The following NRXN2 variants were observed in gnomAD, a reference collection of about 807,000 sequenced individuals.
NRXN2 encodes the protein neurexin-2-beta.
NRXN2 carries 29 observed loss-of-function variants against 128.8 expected under a neutral mutation model. The observed-to-expected ratio is 0.23, with a 90% CI of 0.17 to 0.31. The LOEUF (loss-of-function observed/expected upper bound fraction) is 0.31, where lower values mean the gene tolerates loss of function less well. Ranked by LOEUF, NRXN2 falls within the 10% of genes least tolerant of loss-of-function variation. The pLI is 1.00. For synonymous variants in NRXN2, 1,098 were observed against 1,075.2 expected (o/e 1.02, Z -0.41); for missense variants, 1,881 against 2,452.6 (o/e 0.77, Z 4.92).
chr11:64,668,521 G>A lies in NRXN2; in HGVS notation c.1281C>T (p.Phe427=), dbSNP rs771034517. The A allele has an allele frequency of 1.2e-5, 19 of 1,614,008 alleles. No individual in the cohort carries two copies. Among genetic ancestry groups the A allele is most frequent in the Non-Finnish European group, 1.5e-5 (18 of 1,180,024 alleles). Residue 427 remains phenylalanine (F), a synonymous_variant, in exon 8 of 23, where the codon TTC becomes TTT. Coordinates refer to ENST00000265459, the MANE Select transcript of NRXN2 (RefSeq NM_015080.4). ...CTGTGTTGGGGCTGCCCCCAATGTA[G>A]AAGAAGTCATCAGAGCCCAGCATGG... ...DYTMLGSDDF[F]YIGGSPNTAD...
intron 8 of NRXN2, 93 bp downstream of exon 8, chr11:64,668,350 C>G: frequency 6.6e-7 from 1 of 1,524,038 alleles, no homozygotes. Flanking sequence ...GAACAGATGA[C>G]CCAGACAACT....
intron 2 of NRXN2, among the ~76,000 whole-genome samples, chr11:64,698,295 G>T (rs1267022146): frequency 6.6e-6 from 1 of 152,166 alleles, no homozygotes; most frequent in Non-Finnish European, 1.5e-5. Flanking sequence ...TAGCAATCCA[G>T]TGACACACAC....
At chr11:64,653,106 A>C (rs1423059633) in intron 12 of NRXN2, among the ~76,000 whole-genome samples, 1 of 152,024 alleles carries the variant, frequency 6.6e-6, no homozygotes, top group East Asian at 1.9e-4. Flanking sequence ...GCGCACTGGG[A>C]TGTCTGGAGA....
rs746771704 is a variant in NRXN2, at chr11:64,632,374, A to C, written c.3586-1801T>G. On this transcript the variant is annotated intron_variant, in intron 18 of 22. Coordinates refer to ENST00000265459, the MANE Select transcript of NRXN2 (RefSeq NM_015080.4). This position sits in a 1 kb window ranked among gnomAD's most constrained non-coding sequence, Gnocchi z 4.2. Reference sequence around the variant, plus strand: ...CTGAGGCTGGGCTTGCCTAACAAAGAGTATTAGCAAGCCCCACCCATTCAC... The same window carrying C: ...CTGAGGCTGGGCTTGCCTAACAAAGCGTATTAGCAAGCCCCACCCATTCAC... Among the ~76,000 whole-genome samples the C allele has an allele frequency of 6.6e-6, 1 of 152,190 alleles. No homozygotes were observed. The highest frequency in any genetic ancestry group is 1.5e-5 in the Non-Finnish European group (1 of 68,020).
chr11:64,674,066 G>A (rs888915149), intron 7 of NRXN2, among the ~76,000 whole-genome samples: 4 of 151,916 alleles, frequency 2.6e-5, no homozygotes, highest in Admixed American at 6.6e-5. Context: ...GCAGGCGGTG[G>A]GGAGGTCTTG....
chr11:64,693,800 G>A (rs1565429711), intron 3 of NRXN2, among the ~76,000 whole-genome samples: 1 of 152,162 alleles, frequency 6.6e-6, no homozygotes, highest in East Asian at 1.9e-4. Context: ...AAAGAGGACA[G>A]CCGAGCCCTA....
intron 17 of NRXN2, among the ~76,000 whole-genome samples, chr11:64,644,984 C>T (rs1027604526): frequency 2.0e-5 from 3 of 152,178 alleles, no homozygotes; most frequent in African/African-American, 7.2e-5. Flanking sequence ...TACTACATGC[C>T]AGAGCTGGAT....
chr11:64,657,551 C>T (rs765799135), intron 11 of NRXN2, among the ~76,000 whole-genome samples: 29 of 152,158 alleles, frequency 1.9e-4, no homozygotes, highest in Admixed American at 1.2e-3. Flanking sequence ...AGCCTCAAAA[C>T]CACCACAGAC....
chr11:64,635,187 G>A lies in NRXN2; in HGVS notation c.3585+84C>T, dbSNP rs778253459. On this transcript the variant is annotated intron_variant, in intron 18 of 22. Coordinates refer to ENST00000265459, the MANE Select transcript of NRXN2 (RefSeq NM_015080.4). This position sits in a 1 kb window ranked among gnomAD's most constrained non-coding sequence, Gnocchi z 4.8. ...GGTTCCCCATGAGGGAAGACTTGAG[G>A]TGCTGATCCCATGGCAATGAGGGGC... is the stretch of plus-strand genomic sequence containing the variant. 7.0e-5 allele frequency: 104 copies of A among 1,479,072 alleles called. 3 individuals are homozygous for A. The South Asian group carries it at 8.5e-4, about 12-fold the overall frequency. The allele number at this position is 1,479,072 out of a possible 1,614,324, so 91.6% of individuals were successfully genotyped here.
At chr11:64,653,776 A>G (rs1173363740) in intron 11 of NRXN2, 54 bp from the exon 12 acceptor site, 20 of 1,324,146 alleles carry the variant, frequency 1.5e-5, no homozygotes, top group Middle Eastern at 1.9e-4. Context: ...AGGTAAAACA[A>G]GTTTTTTTTT....
At chr11:64,688,381 A>C in intron 5 of NRXN2, 1 of 985,426 alleles carries the variant, frequency 1.0e-6, no homozygotes, top group Non-Finnish European at 1.2e-6. Flanking sequence ...GGGACAGAAA[A>C]AGAGATGAGC....
At chr11:64,694,953 C>T (rs1362920484) in intron 3 of NRXN2, among the ~76,000 whole-genome samples, 1 of 152,154 alleles carries the variant, frequency 6.6e-6, no homozygotes, top group African/African-American at 2.4e-5. Flanking sequence ...CCAGACCCTT[C>T]CACTGCCCAG....
chr11:64,661,193 TC>T (rs2048981257), intron 9 of NRXN2, 54 bp from the exon 10 acceptor site: 1 of 1,609,832 alleles, frequency 6.2e-7, no homozygotes, highest in Non-Finnish European at 8.5e-7. Flanking sequence ...GAAAGGGACA[TC>T]CTGACTCTGC....
chr11:64,713,369 G>T lies in NRXN2; in HGVS notation c.331C>A (p.Arg111Ser). The T allele has an allele frequency of 6.9e-7, 1 of 1,442,114 alleles. No individual in the cohort carries two copies. Among genetic ancestry groups the T allele is most frequent in the African/African-American group, 1.5e-5 (1 of 67,576 alleles). The allele number at this position is 1,442,114 out of a possible 1,614,324, so 89.3% of individuals were successfully genotyped here. ...CGGGTCAGCAGCACCATGTGCCAGCGGTCGTCGGCCACCGGCGTGTCCAGC... is the reference window on the plus strand; with the variant it reads ...CGGGTCAGCAGCACCATGTGCCAGCTGTCGTCGGCCACCGGCGTGTCCAGC... The part of the protein sequence containing the change: ...LQLDTPVADD[R>S]WHMVLLTRDA... The change falls in exon 2 of 23, where the codon CGC (arginine) becomes AGC (serine). Residue 111 changes from arginine to serine, a missense_variant. Physicochemically the swap from Arg to Ser is moderately radical, Grantham distance 110. Around this residue, in one of 7 missense-constraint regions of NRXN2, gnomAD observed 997 missense variants for 1,240.8 expected, o/e 0.80. Coordinates refer to ENST00000265459, the MANE Select transcript of NRXN2 (RefSeq NM_015080.4).
intron 5 of NRXN2, among the ~76,000 whole-genome samples, chr11:64,687,538 G>A (rs1043199096): frequency 2.0e-5 from 3 of 152,202 alleles, no homozygotes; most frequent in East Asian, 1.9e-4. Context: ...GGGCAACATC[G>A]GGACAGTCTG....
Position 64,667,715 on chromosome 11 carries a change from A to G in NRXN2, c.1360-27T>C, listed in dbSNP as rs1281785556. 1 of 1,610,876 alleles carries G rather than the reference A, an allele frequency of 6.2e-7. No homozygotes were observed. The highest frequency in any genetic ancestry group is 8.5e-7 in the Non-Finnish European group (1 of 1,178,460). The stretch of plus-strand genomic sequence containing the variant: ...TGCAGGGAGGGGTGGGGTCAGGGAT[A>G]AAGAATCCGAAAGCAGCTTAGGGCC... On this transcript the variant is annotated intron_variant, in intron 8 of 22. Coordinates refer to ENST00000265459, the MANE Select transcript of NRXN2 (RefSeq NM_015080.4). This position sits in a 1 kb window ranked among gnomAD's most constrained non-coding sequence, Gnocchi z 5.6.
chr11:64,642,161 A>G (rs2045776320), intron 17 of NRXN2, among the ~76,000 whole-genome samples: 1 of 151,890 alleles, frequency 6.6e-6, no homozygotes, highest in Non-Finnish European at 1.5e-5. Flanking sequence ...AGGGGCCGAG[A>G]TGGAGAAGGT....
At chr11:64,616,996 C>T (rs954172052) in intron 22 of NRXN2, among the ~76,000 whole-genome samples, 2 of 152,166 alleles carry the variant, frequency 1.3e-5, no homozygotes, top group African/African-American at 4.8e-5. Flanking sequence ...TTTCATTAGG[C>T]TATGCATGTG....
chr11:64,658,521 C>T (rs1450033308), intron 11 of NRXN2, among the ~76,000 whole-genome samples: 5 of 152,208 alleles, frequency 3.3e-5, no homozygotes, highest in Non-Finnish European at 5.9e-5. Flanking sequence ...ACTCTGAGGC[C>T]CTGGCCACCT....
Sources: gnomAD v4.1 joint callset for allele counts (sites outside exome capture counted in the v4.1 genomes callset) on GRCh38, gnomAD v4.1.1 for gene constraint, gnomAD v4.1.1 regional missense constraint, Gnocchi (gnomAD v3.1) non-coding constraint, MANE v1.5 for transcripts, NCBI Gene and HGNC (gene_info 2026-07-23, HGNC 2026-07-21) for gene names.